Variants in NDUFA10 observed in about 807,000 individuals in gnomAD.
NDUFA10 encodes the protein NADH:ubiquinone oxidoreductase subunit A10.
NDUFA10 carries 40 observed loss-of-function variants against 47.8 expected under a neutral mutation model. The observed-to-expected ratio is 0.84, with a 90% CI of 0.65 to 1.09. The LOEUF is 1.09. Ranked by LOEUF, NDUFA10 falls within the 50% of genes least tolerant of loss-of-function variation. The pLI, the probability that NDUFA10 is intolerant of heterozygous loss-of-function variation, is 0.00. For synonymous variants in NDUFA10, 183 were observed against 172.2 expected, an observed-to-expected ratio of 1.06 and a Z score of -0.49; for missense variants, 413 against 451.1, an observed-to-expected ratio of 0.92 and a Z score of 0.76.
intron 8 of NDUFA10, among the ~76,000 whole-genome samples, chr2:240,003,720 T>C (rs970320995): frequency 6.6e-6 from 1 of 152,140 alleles, no homozygotes; most frequent in Non-Finnish European, 1.5e-5. Flanking sequence ...ATACATCTCC[T>C]GAGTGCACGC....
At chr2:239,991,762 A>G (rs1345622753) in intron 8 of NDUFA10, among the ~76,000 whole-genome samples, 1 of 152,254 alleles carries the variant, frequency 6.6e-6, no homozygotes, top group East Asian at 1.9e-4. Context: ...AATGAAGTTC[A>G]TATTTTAAAT....
In NDUFA10 at chr2:240,021,303, G is replaced by A. The variant is rs118106981; in HGVS notation, c.354C>T (p.Tyr118=). Residue 118 remains tyrosine, a synonymous_variant, in exon 3 of 10, where the codon TAC becomes TAT. Coordinates refer to ENST00000252711, the MANE Select transcript of NDUFA10 (RefSeq NM_004544.4). ...YNGNCSLEKF[Y]DDPRSNDGNS... ...TGCCATCATTGCTTCTCGGATCATC[G>A]TAAAATTTCTCCAAACTACAGTTGC... The A allele has an allele frequency of 3.2e-4, 517 of 1,614,132 alleles. 4 individuals are homozygous for A. The East Asian group carries it at 0.011, about 35-fold the overall frequency.
chr2:239,973,408 AAAG>A, intron 9 of NDUFA10: 2 of 432,688 alleles, frequency 4.6e-6, no homozygotes, highest in Non-Finnish European at 9.3e-6. Context: ...TTAACATATT[AAAG>A]TTAATAAAAA....
intron 4 of NDUFA10, among the ~76,000 whole-genome samples, chr2:239,902,673 C>T (rs763726971): frequency 1.3e-5 from 2 of 152,212 alleles, no homozygotes; most frequent in Non-Finnish European, 2.9e-5. Flanking sequence ...ATACATTTCT[C>T]ATCCTGAGTG....
chr2:239,942,562 T>C (rs1394450930), intron 4 of NDUFA10, among the ~76,000 whole-genome samples: 1 of 152,248 alleles, frequency 6.6e-6, no homozygotes, highest in East Asian at 1.9e-4. Context: ...GTTGTTGACA[T>C]TTATTTTATT....
At chr2:239,897,724 G>A (rs1693423475) in intron 4 of NDUFA10, among the ~76,000 whole-genome samples, 1 of 152,058 alleles carries the variant, frequency 6.6e-6, no homozygotes, top group African/African-American at 2.4e-5. Context: ...CTGTCCCCAG[G>A]CCTAAAGCCA....
intron 8 of NDUFA10, among the ~76,000 whole-genome samples, chr2:239,991,895 G>T (rs1390482409): frequency 2.0e-5 from 3 of 152,184 alleles, no homozygotes; most frequent in Non-Finnish European, 4.4e-5. Flanking sequence ...GAGAGCAACA[G>T]CGCCATCTAT....
intron 4 of NDUFA10, among the ~76,000 whole-genome samples, chr2:239,938,206 T>C (rs2106377138): frequency 6.6e-6 from 1 of 151,996 alleles, no homozygotes; most frequent in Non-Finnish European, 1.5e-5. Flanking sequence ...CAAATGGGGG[T>C]GATAACAGCA....
chr2:239,899,395 G>A (rs28610418), intron 4 of NDUFA10, among the ~76,000 whole-genome samples: 53,822 of 85,276 alleles, frequency 0.63, 19,439 homozygotes, highest in Admixed American at 0.76. Context: ...GTGTGGTGGA[G>A]AGGTATGATG....
At position 239,960,572 on chromosome 2, in the gene NDUFA10, C is replaced by T. The variant is rs192485848; in HGVS notation, c.*546G>A. ...TCTTCACGTTCTTATTTTTTCTACT[C>T]TAATGTAGCACATTACTAAAATAAA... On this transcript the variant is annotated 3_prime_UTR_variant, in exon 10 of 10. Coordinates refer to ENST00000252711, the MANE Select transcript of NDUFA10 (RefSeq NM_004544.4). 3.9e-3 allele frequency: 3,938 copies of T among 1,002,492 alleles called. 11 individuals carry two copies. Among genetic ancestry groups the T allele is most frequent in the Non-Finnish European group, 4.3e-3 (3,622 of 837,974 alleles). The allele number at this position is 1,002,492 out of a possible 1,614,324, so 62.1% of individuals were successfully genotyped here.
chr2:239,894,998 G>A (rs185448748), intron 5 of NDUFA10, among the ~76,000 whole-genome samples: 1 of 151,986 alleles, frequency 6.6e-6, no homozygotes, highest in Non-Finnish European at 1.5e-5. Flanking sequence ...CCACCCAGTC[G>A]CCCAAACCAG....
At chr2:240,007,878 G>C (rs922461243) in intron 6 of NDUFA10, among the ~76,000 whole-genome samples, 2 of 151,744 alleles carry the variant, frequency 1.3e-5, no homozygotes, top group East Asian at 3.9e-4. Flanking sequence ...TCCACAGCAG[G>C]GCCTAAATGA....
chr2:240,025,339 A>T lies in NDUFA10; in HGVS notation c.-38T>A. On this transcript the variant is annotated 5_prime_UTR_variant, in exon 1 of 10. Transcript: ENST00000252711. ...AGCTCAGGATCAAGGACCCAAGGGG[A>T]CGCGGTCGCGACGGGGCCCTCTCTC... 1.4e-6 allele frequency: 2 copies of T among 1,470,394 alleles called. No individual in the cohort carries two copies. The highest frequency in any genetic ancestry group is 9.0e-7 in the Non-Finnish European group (1 of 1,111,284). 91.1% of individuals were successfully genotyped at this position (1,470,394 alleles called of 1,614,324 possible).
chr2:239,902,631 CTG>C (rs1342491100), intron 4 of NDUFA10, among the ~76,000 whole-genome samples: 1 of 152,240 alleles, frequency 6.6e-6, no homozygotes, highest in Non-Finnish European at 1.5e-5. Flanking sequence ...CTTGTACACT[CTG>C]TGTCCACAGG....
At chr2:239,967,288 T>G (rs1040119901) in intron 9 of NDUFA10, among the ~76,000 whole-genome samples, 1 of 152,192 alleles carries the variant, frequency 6.6e-6, no homozygotes, top group African/African-American at 2.4e-5. Context: ...CTCTTGGCCT[T>G]TTACTGCCTC....
chr2:240,011,494 T>C, intron 6 of NDUFA10, 123 bp downstream of exon 6: 1 of 758,656 alleles, frequency 1.3e-6, no homozygotes, highest in South Asian at 1.5e-5. Context: ...AAACATCAGA[T>C]TAAACATCTC....
chr2:239,987,169 G>A lies in NDUFA10; in HGVS notation c.999+2905C>T, dbSNP rs1170223542. Among the ~76,000 whole-genome samples, 2 of 152,098 alleles carry A rather than the reference G, an allele frequency of 1.3e-5. No homozygotes were observed. The highest frequency in any genetic ancestry group is 2.9e-5 in the Non-Finnish European group (2 of 68,028). ...GGCCTATGGATTGGACAGCAGTAAC[G>A]TGTGATGCTCATGAAGAGGGCCTGT... is the stretch of plus-strand genomic sequence containing the variant. On this transcript the variant is annotated intron_variant, in intron 9 of 9. Transcript: ENST00000252711. The surrounding 1 kb of genome is among the most constrained non-coding windows in gnomAD (Gnocchi z 4.8).
intron 4 of NDUFA10, among the ~76,000 whole-genome samples, chr2:239,940,302 T>C (rs533329764): frequency 6.6e-6 from 1 of 152,336 alleles, no homozygotes; most frequent in African/African-American, 2.4e-5. Context: ...GCTAAAACAC[T>C]GGCAGTCACT....
At chr2:239,936,943 G>T (rs890863094) in intron 4 of NDUFA10, among the ~76,000 whole-genome samples, 6 of 152,230 alleles carry the variant, frequency 3.9e-5, no homozygotes, top group Non-Finnish European at 8.8e-5. Context: ...CTGGGTGACA[G>T]AGAGAGACCC....
Sources: allele counts gnomAD v4.1 joint callset (sites outside exome capture counted in the v4.1 genomes callset), GRCh38; gene constraint gnomAD v4.1.1; non-coding constraint Gnocchi (gnomAD v3.1); transcripts MANE v1.5; gene names NCBI Gene and HGNC (gene_info 2026-07-23, HGNC 2026-07-21).